The following MIS18A variants were observed in gnomAD, a reference collection of about 807,000 sequenced individuals.
MIS18A encodes the protein protein Mis18-alpha.
Under a neutral mutation model 25.0 loss-of-function variants are expected in MIS18A, and 14 were observed. The ratio of observed to expected loss-of-function variants is 0.56; its 90% CI spans 0.37 to 0.88. The LOEUF (loss-of-function observed/expected upper bound fraction) is 0.88, where lower values mean the gene tolerates loss of function less well. Among genes scored for constraint, MIS18A ranks in the 40% least tolerant of loss-of-function variants. MIS18A has a pLI of 0.00. For synonymous variants in MIS18A, 134 were observed against 118.6 expected (o/e 1.13, Z -0.84); for missense variants, 292 against 290.8 (o/e 1.00, Z -0.03).
the MIS18A span, among the ~76,000 whole-genome samples, chr21:32,223,495 A>G: frequency 6.6e-6 from 1 of 152,200 alleles, no homozygotes; most frequent in African/African-American, 2.4e-5. Flanking sequence ...AGAATACTAT[A>G]AACACATCTA....
chr21:32,242,906 C>T, the MIS18A span, among the ~76,000 whole-genome samples: 1 of 152,144 alleles, frequency 6.6e-6, no homozygotes. Context: ...ATCTACCTCC[C>T]CAAGACAGTG....
the MIS18A span, among the ~76,000 whole-genome samples, chr21:32,247,453 T>C: frequency 1.3e-5 from 2 of 152,156 alleles, no homozygotes; most frequent in Non-Finnish European, 2.9e-5. Context: ...ATGGCTAGAG[T>C]GGACCCCTTT....
the MIS18A span, among the ~76,000 whole-genome samples, chr21:32,204,262 G>A: frequency 6.6e-6 from 1 of 152,150 alleles, no homozygotes; most frequent in South Asian, 2.1e-4. Flanking sequence ...ACTTTGGGAG[G>A]CTGAGGTGGG....
the MIS18A span, among the ~76,000 whole-genome samples, chr21:32,241,877 TTTGTTG>T: frequency 1.4e-5 from 2 of 138,044 alleles, no homozygotes; most frequent in South Asian, 5.1e-4. Context: ...TTTTGGGTTT[TTTGTTG>T]TTGTTGTTGT....
chr21:32,235,726 C>T, the MIS18A span, among the ~76,000 whole-genome samples: 1,747 of 152,296 alleles, frequency 0.011, 19 homozygotes, highest in South Asian at 0.021. Context: ...GGAGACACCG[C>T]GTTCAGGCAC....
the MIS18A span, among the ~76,000 whole-genome samples, chr21:32,160,790 C>A: frequency 6.6e-6 from 1 of 152,082 alleles, no homozygotes; most frequent in Non-Finnish European, 1.5e-5. Context: ...TGCTACCATG[C>A]CCAACTAATT....
At chr21:32,178,036 T>C in the MIS18A span, among the ~76,000 whole-genome samples, 1 of 152,054 alleles carries the variant, frequency 6.6e-6, no homozygotes, top group Non-Finnish European at 1.5e-5. Context: ...CTCCTCAGCA[T>C]CCTGAGTAGC....
At chr21:32,199,485 C>T in the MIS18A span, among the ~76,000 whole-genome samples, 3 of 152,080 alleles carry the variant, frequency 2.0e-5, no homozygotes, top group Non-Finnish European at 4.4e-5. Flanking sequence ...TGGCCTCAGA[C>T]CACAGAATGC....
chr21:32,268,794 G>A lies in MIS18A; in HGVS notation c.*243C>T, dbSNP rs1010086926. The stretch of plus-strand genomic sequence containing the variant: ...CTATAGAAGTAATTCTACAATTTTG[G>A]GTTTTTTTTTTGAGAGAAGGTCTCA... On this transcript the variant is annotated 3_prime_UTR_variant, in exon 5 of 5. Coordinates refer to ENST00000290130, the MANE Select transcript of MIS18A (RefSeq NM_018944.3). 6.1e-6 allele frequency: 2 copies of A among 329,608 alleles called. No homozygotes were observed. Among genetic ancestry groups the A allele is most frequent in the Non-Finnish European group, 1.1e-5 (2 of 181,174 alleles). 20.4% of individuals were successfully genotyped at this position (329,608 alleles called of 1,614,324 possible).
chr21:32,186,982 T>A, the MIS18A span, among the ~76,000 whole-genome samples: 5 of 152,160 alleles, frequency 3.3e-5, no homozygotes, highest in Admixed American at 3.3e-4. Context: ...GGCCTTTTTT[T>A]AAGTGCAATA....
the MIS18A span, among the ~76,000 whole-genome samples, chr21:32,246,984 T>C: frequency 1.3e-5 from 2 of 152,214 alleles, no homozygotes; most frequent in Non-Finnish European, 2.9e-5. Flanking sequence ...CAGTCATAGA[T>C]GATGACTGGC....
chr21:32,247,073 C>G, the MIS18A span, among the ~76,000 whole-genome samples: 3 of 152,156 alleles, frequency 2.0e-5, no homozygotes, highest in African/African-American at 7.2e-5. Flanking sequence ...TCGTCAACAC[C>G]AATTATTTAC....
At chr21:32,213,699 C>T in the MIS18A span, among the ~76,000 whole-genome samples, 6 of 152,310 alleles carry the variant, frequency 3.9e-5, no homozygotes, top group Middle Eastern at 3.4e-3. Context: ...ACTCTTCTAA[C>T]GTTCTCAGGG....
chr21:32,157,415 T>C, the MIS18A span, among the ~76,000 whole-genome samples: 1 of 151,800 alleles, frequency 6.6e-6, no homozygotes, highest in Admixed American at 6.6e-5. Context: ...GATTGTTCAG[T>C]AGTGAGCTCT....
chr21:32,238,857 T>C, the MIS18A span, among the ~76,000 whole-genome samples: 1 of 152,186 alleles, frequency 6.6e-6, no homozygotes, highest in Non-Finnish European at 1.5e-5. Flanking sequence ...AAAAAGGACA[T>C]CAGAAATTCC....
chr21:32,235,306 T>A, the MIS18A span, among the ~76,000 whole-genome samples: 3 of 152,166 alleles, frequency 2.0e-5, no homozygotes. Context: ...TGCCTCGAAG[T>A]GGGTACAACT....
chr21:32,206,263 C>T, the MIS18A span, among the ~76,000 whole-genome samples: 1 of 152,152 alleles, frequency 6.6e-6, no homozygotes, highest in Non-Finnish European at 1.5e-5. Context: ...AAGTATTTTC[C>T]ATCCCTTCCA....
the MIS18A span, among the ~76,000 whole-genome samples, chr21:32,236,037 T>C: frequency 6.6e-6 from 1 of 151,766 alleles, no homozygotes; most frequent in African/African-American, 2.4e-5. Context: ...CTGGCCTTTT[T>C]TTCTCTGCTA....
At chr21:32,164,173 A>T in the MIS18A span, among the ~76,000 whole-genome samples, 6 of 152,094 alleles carry the variant, frequency 3.9e-5, no homozygotes, top group Non-Finnish European at 4.4e-5. Context: ...TTTTAACATA[A>T]GACTTGGTGA....
Sources: gnomAD v4.1 joint callset for allele counts (sites outside exome capture counted in the v4.1 genomes callset) on GRCh38, gnomAD v4.1.1 for gene constraint, MANE v1.5 for transcripts, NCBI Gene and HGNC (gene_info 2026-07-23, HGNC 2026-07-21) for gene names.